The following TLCD3A variants were observed in gnomAD, a reference collection of about 807,000 sequenced individuals.
TLCD3A encodes the protein TLC domain containing 3A, also known as TLC domain-containing protein 3A.
A neutral mutation model predicts 29.9 loss-of-function variants in TLCD3A; 17 were observed. The ratio of observed to expected loss-of-function variants is 0.57; its 90% confidence interval spans 0.39 to 0.85. TLCD3A has a LOEUF of 0.85. Among genes scored for constraint, TLCD3A ranks in the 40% least tolerant of loss-of-function variants. The probability of loss-of-function intolerance (pLI) is 0.00; values close to 1 mark genes in which losing one functional copy is unlikely to be tolerated. For synonymous variants in TLCD3A, 143 were observed against 147.7 expected (o/e 0.97, Z 0.23); for missense variants, 332 against 350.8 (o/e 0.95, Z 0.43).
At chr17:738,118 G>A (rs1974192802) in intron 3 of TLCD3A, 71 bp downstream of exon 3, 1 of 350,806 alleles carries the variant, frequency 2.9e-6, no homozygotes, top group South Asian at 2.2e-5. Flanking sequence ...TTTTTTCTGA[G>A]ACAGTCTCAC....
chr17:733,061 G>A (rs770526031), intron 1 of TLCD3A, 37 bp from the exon 2 acceptor site: 54 of 1,538,708 alleles, frequency 3.5e-5, no homozygotes, highest in Non-Finnish European at 4.3e-5. Context: ...CCTCGGACCG[G>A]ACTGAGCGCG....
At chr17:741,151 C>A in intron 4 of TLCD3A, 150 bp from the exon 5 acceptor site, 5 of 721,012 alleles carry the variant, frequency 6.9e-6, no homozygotes, top group Non-Finnish European at 1.1e-5. Flanking sequence ...GAAAACTAGA[C>A]AAACGTCTGG....
At chr17:732,879 G>A in intron 1 of TLCD3A, 110 bp downstream of exon 1, 4 of 1,374,894 alleles carry the variant, frequency 2.9e-6, no homozygotes, top group Non-Finnish European at 3.7e-6. Flanking sequence ...CCCGGGGGCT[G>A]CTCCCTCCGC....
At chr17:740,626 G>A (rs1218800085) in intron 4 of TLCD3A, 26 bp downstream of exon 4, 2 of 1,590,434 alleles carry the variant, frequency 1.3e-6, no homozygotes, top group African/African-American at 1.3e-5. Flanking sequence ...ATGACAGAGA[G>A]TGTGAGGGTT....
intron 2 of TLCD3A, among the ~76,000 whole-genome samples, chr17:733,987 C>T (rs1212350003): frequency 6.6e-6 from 1 of 152,220 alleles, no homozygotes; most frequent in Non-Finnish European, 1.5e-5. Flanking sequence ...CCTGAGCAAG[C>T]TGTCCGTCTC....
Position 733,146 on chromosome 17 carries a change from C to A in TLCD3A, c.171C>A (p.Val57=). ...HAVLATGSGI[V]IIRSCDDVIT... Reference sequence around the variant, plus strand: ...TGCTGGCCACCGGCTCGGGGATCGTCATCATTCGCTCCTGCGACGACGTGA... The same window carrying A: ...TGCTGGCCACCGGCTCGGGGATCGTAATCATTCGCTCCTGCGACGACGTGA... Residue 57 remains valine (V), a synonymous_variant, in exon 2 of 5, where the codon GTC becomes GTA. Coordinates refer to ENST00000308278, the MANE Select transcript of TLCD3A (RefSeq NM_024792.3). The A allele has an allele frequency of 6.3e-7, 1 of 1,583,654 alleles. No individual in the cohort carries two copies. The highest frequency in any genetic ancestry group is 8.6e-7 in the Non-Finnish European group (1 of 1,166,948).
chr17:738,151 A>C, intron 3 of TLCD3A, 104 bp downstream of exon 3: 1 of 873,560 alleles, frequency 1.1e-6, no homozygotes, highest in Non-Finnish European at 1.7e-6. Context: ...GCTGGAGTGC[A>C]GTGGTGTGAT....
At chr17:738,541 G>A (rs930617534) in intron 3 of TLCD3A, among the ~76,000 whole-genome samples, 7 of 152,136 alleles carry the variant, frequency 4.6e-5, no homozygotes, top group African/African-American at 9.7e-5. Flanking sequence ...CACATGAAAC[G>A]TTCATGATCC....
intron 1 of TLCD3A, 87 bp from the exon 2 acceptor site, chr17:733,011 G>A (rs1230698871): frequency 1.4e-6 from 2 of 1,473,560 alleles, no homozygotes; most frequent in African/African-American, 2.9e-5. Context: ...CTGCGGCTGG[G>A]GAGAGTCAGG....
Position 737,937 on chromosome 17 carries a change from A to G in TLCD3A, c.298A>G (p.Arg100Gly), listed in dbSNP as rs1219825058. 4.3e-6 allele frequency: 7 copies of G among 1,614,038 alleles called. No individual in the cohort carries two copies. The highest frequency in any genetic ancestry group is 5.1e-6 in the Non-Finnish European group (6 of 1,180,022). Residue 100 changes from arginine (R) to glycine (G), a missense_variant, in exon 3 of 5, where the codon AGA (arginine) becomes GGA (glycine). Transcript: ENST00000308278. Reference sequence around the variant, plus strand: ...GTACCTCTGTGAATGGTGCCGAACCAGAGACCAGAACCGTGCGCCCTCCCT... The same window carrying G: ...GTACCTCTGTGAATGGTGCCGAACCGGAGACCAGAACCGTGCGCCCTCCCT... The part of the protein sequence containing the change: ...AMYLCEWCRT[R>G]DQNRAPSLTL...
At position 732,713 on chromosome 17, in the gene TLCD3A, G is replaced by A. The variant is rs1306814534; in HGVS notation, c.66G>A (p.Ala22=). The change falls in exon 1 of 5, where the codon GCG becomes GCA. Residue 22 remains alanine (A), a synonymous_variant. Transcript: ENST00000308278. ...GGCTCTTCGCGCTCTGCACCTGGGC[G>A]CTGCGCCGCTCCCAGCCCGGATGGA... ...FPGLFALCTW[A]LRRSQPGWSR... is the part of the protein sequence containing the mutation. 36 of 1,440,102 alleles carry A rather than the reference G, an allele frequency of 2.5e-5. No individual in the cohort carries two copies. The highest frequency in any genetic ancestry group is 2.9e-5 in the Non-Finnish European group (32 of 1,097,572). 89.2% of individuals were successfully genotyped at this position (1,440,102 alleles called of 1,614,324 possible).
intron 2 of TLCD3A, 88 bp from the exon 3 acceptor site, chr17:737,758 A>G: frequency 8.5e-7 from 1 of 1,176,520 alleles, no homozygotes; most frequent in Middle Eastern, 2.0e-4. Context: ...TGGAATAATA[A>G]TAGCTGATCA....
intron 2 of TLCD3A, among the ~76,000 whole-genome samples, chr17:733,961 A>G (rs1174305108): frequency 6.6e-6 from 1 of 152,138 alleles, no homozygotes; most frequent in Non-Finnish European, 1.5e-5. Context: ...ACCTGCTGAG[A>G]CTGAACTGCG....
Position 733,122 on chromosome 17 carries a change from G to T in TLCD3A, c.147G>T (p.Val49=). ...STRLVSSVHA[V]LATGSGIVII... ...GGCTGGTTTCCTCGGTGCACGCCGT[G>T]CTGGCCACCGGCTCGGGGATCGTCA... The change falls in exon 2 of 5, where the codon GTG becomes GTT. Residue 49 remains valine (V), a synonymous_variant. Transcript: ENST00000308278. 1 of 1,593,496 alleles carries T rather than the reference G, an allele frequency of 6.3e-7. No individual in the cohort carries two copies. The highest frequency in any genetic ancestry group is 1.7e-5 in the Admixed American group (1 of 58,162).
In TLCD3A at chr17:740,576, G is replaced by A. The variant is rs143569310; in HGVS notation, c.480G>A (p.Val160=). ...IFTAELSTPF[V]SLGRVLIQLK... is the part of the protein sequence containing the mutation. ...CGGCAGAACTGAGCACTCCGTTTGT[G>A]TCGCTGGGCAGGGTTCTGATTCAGG... The change falls in exon 4 of 5, where the codon GTG becomes GTA. Residue 160 remains valine (V), a synonymous_variant. Transcript: ENST00000308278. 348 of 1,614,022 alleles carry A rather than the reference G, an allele frequency of 2.2e-4. No individual in the cohort carries two copies. In the African/African-American group the frequency reaches 4.1e-3, roughly 19 times the overall value.
intron 4 of TLCD3A, 138 bp downstream of exon 4, chr17:740,738 T>C: frequency 3.4e-6 from 3 of 884,960 alleles, no homozygotes; most frequent in Non-Finnish European, 5.3e-6. Context: ...GATTCAGGCA[T>C]GTATGAATGA....
At position 733,037 on chromosome 17, in the gene TLCD3A, G is replaced by C. The variant is rs780356633; in HGVS notation, c.123-61G>C. The C allele has an allele frequency of 2.8e-5, 42 of 1,526,718 alleles. No individual in the cohort carries two copies. The African/African-American group carries it at 3.7e-4, about 14-fold the overall frequency. The allele number at this position is 1,526,718 out of a possible 1,614,324, so 94.6% of individuals were successfully genotyped here. A position where few individuals can be genotyped will look rare whatever the true frequency, so the allele number is the denominator to read the frequency against. On this transcript the variant is annotated intron_variant, in intron 1 of 4. Transcript: ENST00000308278. ...GAGAGTCAGGCCGAAGGGCCGGGCCGGGCTCCCTGCGGTCCTCGGACCGGA... is the reference window on the plus strand; with the variant it reads ...GAGAGTCAGGCCGAAGGGCCGGGCCCGGCTCCCTGCGGTCCTCGGACCGGA...
chr17:738,506 G>C (rs1384096946), intron 3 of TLCD3A, among the ~76,000 whole-genome samples: 1 of 152,092 alleles, frequency 6.6e-6, no homozygotes, highest in African/African-American at 2.4e-5. Context: ...ACCTCCCCCA[G>C]GTGAATAGTG....
At chr17:735,691 G>A (rs1223808491) in intron 2 of TLCD3A, among the ~76,000 whole-genome samples, 1 of 152,034 alleles carries the variant, frequency 6.6e-6, no homozygotes, top group Non-Finnish European at 1.5e-5. Context: ...TAGGTCGGGT[G>A]CGGTGGCTCC....
Sources: allele counts gnomAD v4.1 joint callset (sites outside exome capture counted in the v4.1 genomes callset), GRCh38; gene constraint gnomAD v4.1.1; transcripts MANE v1.5; gene names NCBI Gene and HGNC (gene_info 2026-07-23, HGNC 2026-07-21).